The following EIF4G1 variants were observed in gnomAD, a reference collection of about 807,000 sequenced individuals.
The protein encoded by EIF4G1 is EIF4-gamma.
Under a neutral mutation model 187.8 loss-of-function variants are expected in EIF4G1, and 4 were observed. That is an observed-to-expected ratio of 0.02 (90% CI 0.01 to 0.05). The LOEUF is 0.05. Ranked by LOEUF, EIF4G1 falls within the 10% of genes least tolerant of loss-of-function variation. EIF4G1 has a pLI of 1.00. For synonymous variants in EIF4G1, 844 were observed against 781.4 expected (o/e 1.08, Z -1.34); for missense variants, 1,647 against 2,081.1 (o/e 0.79, Z 4.06).
chr3:184,321,149 G>C, intron 9 of EIF4G1, 133 bp from the exon 10 acceptor site: 1 of 1,488,268 alleles, frequency 6.7e-7, no homozygotes, highest in Non-Finnish European at 9.3e-7. Flanking sequence ...GGATGAAAGT[G>C]GAAGTATAGC....
rs1723975885 is a variant in EIF4G1 at position 184,322,020 on chromosome 3, G to T, written c.1436G>T (p.Gly479Val). Residue 479 changes from glycine (G) to valine (V), a missense_variant, in exon 10 of 33, where the codon GGA (glycine) becomes GTA (valine). Transcript: ENST00000346169. ...GCAGGAGAAGCTGAGAGTGAGAAAGGAGGAGAGGAACTGCTCCCCCCAGAG... is the reference window on the plus strand; with the variant it reads ...GCAGGAGAAGCTGAGAGTGAGAAAGTAGGAGAGGAACTGCTCCCCCCAGAG... ...GEAGEAESEKGGEELLPPEST... is the reference protein window; with the variant it reads ...GEAGEAESEKVGEELLPPEST... The T allele has an allele frequency of 9.3e-6, 15 of 1,614,112 alleles. No homozygotes were observed. The highest frequency in any genetic ancestry group is 1.3e-5 in the Non-Finnish European group (15 of 1,180,034).
rs756845426 is a variant in EIF4G1, at chr3:184,323,077, T to C, written c.1930-6T>C. The C allele has an allele frequency of 6.2e-7, 1 of 1,614,166 alleles. No individual in the cohort carries two copies. The highest frequency in any genetic ancestry group is 8.5e-7 in the Non-Finnish European group (1 of 1,180,034). ...CTTCTGAGACCTTTTCCTGTCCTCTTTGCAGGCCAATAAAACACCACTGCG... is the reference window on the plus strand; with the variant it reads ...CTTCTGAGACCTTTTCCTGTCCTCTCTGCAGGCCAATAAAACACCACTGCG... On this transcript the variant is annotated splice_polypyrimidine_tract_variant and splice_region_variant and intron_variant, in intron 13 of 32. Coordinates refer to ENST00000346169, the MANE Select transcript of EIF4G1 (RefSeq NM_198241.3). This position sits in a 1 kb window ranked among gnomAD's most constrained non-coding sequence, Gnocchi z 6.9.
chr3:184,330,003 T>G (rs1283542422), intron 28 of EIF4G1, among the ~76,000 whole-genome samples: 1 of 152,236 alleles, frequency 6.6e-6, no homozygotes, highest in Non-Finnish European at 1.5e-5. Flanking sequence ...ACAAGTTGTT[T>G]TTTAACAACA....
chr3:184,328,078 C>G, intron 26 of EIF4G1, 76 bp downstream of exon 26: 2 of 1,548,398 alleles, frequency 1.3e-6, no homozygotes, highest in African/African-American at 2.7e-5. Context: ...CCCTTGGAAC[C>G]TTGCATAAGA....
chr3:184,328,519 C>G (rs947736089), intron 26 of EIF4G1, 112 bp from the exon 27 acceptor site: 30 of 1,468,464 alleles, frequency 2.0e-5, no homozygotes, highest in Non-Finnish European at 2.8e-5. Context: ...GTCCCCATGT[C>G]TAGAAAATGT....
In EIF4G1 at chr3:184,321,889, C is replaced by T. The variant is rs1477453698; in HGVS notation, c.1305C>T (p.Pro435=). 1.2e-6 allele frequency: 2 copies of T among 1,614,192 alleles called. No homozygotes were observed. The highest frequency in any genetic ancestry group is 1.1e-5 in the South Asian group (1 of 91,086). The change falls in exon 10 of 33, where the codon CCC becomes CCT. Residue 435 remains proline (P), a synonymous_variant. Transcript: ENST00000346169. ...AGGTGACAGCATCAATGGCGCCCCC[C>T]ACCATCCCCTCTGCTACTCCAGCTA... is the stretch of plus-strand genomic sequence containing the variant. ...AKEVTASMAP[P]TIPSATPATA... is the part of the protein sequence containing the mutation.
rs557581633 is a variant in EIF4G1 at position 184,334,859 on chromosome 3, C to T, written c.4751C>T (p.Ala1584Val). Residue 1584 changes from alanine to valine, a missense_variant, in exon 33 of 33, where the codon GCC becomes GTC. Transcript: ENST00000346169. The surrounding 1 kb of genome is among the most constrained non-coding windows in gnomAD (Gnocchi z 5.8). Reference protein sequence around the residue: ...GKGVALKSVTAFFKWLREAEE... With the variant: ...GKGVALKSVTVFFKWLREAEE... ...GGTGTGGCCCTTAAATCTGTCACAG[C>T]CTTCTTCAAGTGGCTCCGTGAAGCA... 109 of 1,614,082 alleles carry T rather than the reference C, an allele frequency of 6.8e-5. No individual in the cohort carries two copies. Among genetic ancestry groups the T allele is most frequent in the Non-Finnish European group, 8.6e-5 (101 of 1,180,034 alleles).
In EIF4G1 at chr3:184,335,054, C is replaced by T; in HGVS notation, c.*146C>T. On this transcript the variant is annotated 3_prime_UTR_variant, in exon 33 of 33. Transcript: ENST00000346169. Reference sequence around the variant, plus strand: ...TGAACTAATAAAGTGGCTGAAGAGGCAGGATGGCTTGGGGCTGCCTGGGCC... The same window carrying T: ...TGAACTAATAAAGTGGCTGAAGAGGTAGGATGGCTTGGGGCTGCCTGGGCC... 8.3e-7 allele frequency: 1 copy of T among 1,198,968 alleles called. No individual in the cohort carries two copies. Among genetic ancestry groups the T allele is most frequent in the Non-Finnish European group, 1.2e-6 (1 of 851,650 alleles). 74.3% of individuals were successfully genotyped at this position (1,198,968 alleles called of 1,614,324 possible).
chr3:184,332,057 C>T lies in EIF4G1; in HGVS notation c.4589C>T (p.Ala1530Val), dbSNP rs958736570. The change falls in exon 32 of 33, where the codon GCC becomes GTC. Residue 1530 changes from alanine (A) to valine (V), a missense_variant. Transcript: ENST00000346169. ...KELQALYALQ[A>V]LVVTLEQPPN... ...CTACAGGCGCTCTACGCCCTCCAGGCCCTTGTAGTGACCTTAGAACAGCCT... is the reference window on the plus strand; with the variant it reads ...CTACAGGCGCTCTACGCCCTCCAGGTCCTTGTAGTGACCTTAGAACAGCCT... 1.2e-6 allele frequency: 2 copies of T among 1,614,074 alleles called. No individual in the cohort carries two copies. Among genetic ancestry groups the T allele is most frequent in the Non-Finnish European group, 1.7e-6 (2 of 1,180,052 alleles).
chr3:184,331,656 G>C (rs1577258423), intron 30 of EIF4G1, 50 bp downstream of exon 30: 1 of 1,612,342 alleles, frequency 6.2e-7, no homozygotes, highest in Non-Finnish European at 8.5e-7. Context: ...TTAGGGTGGG[G>C]GTGGGGGCAG....
chr3:184,330,857 A>G (rs535625406), intron 28 of EIF4G1, among the ~76,000 whole-genome samples: 3 of 152,168 alleles, frequency 2.0e-5, no homozygotes, highest in African/African-American at 7.2e-5. Flanking sequence ...CTCCTGCCTC[A>G]GCCTCCCGAG....
At chr3:184,317,581 T>G (rs1340325407) in intron 5 of EIF4G1, 84 bp downstream of exon 5, 2 of 1,577,502 alleles carry the variant, frequency 1.3e-6, no homozygotes, top group Non-Finnish European at 1.7e-6. Context: ...TTCCATTGCT[T>G]TTCCAGAGGT....
At position 184,331,611 on chromosome 3, in the gene EIF4G1, G is replaced by A. The variant is rs16858676; in HGVS notation, c.4395+5G>A. On this transcript the variant is annotated splice_donor_5th_base_variant and intron_variant, in intron 30 of 32. Transcript: ENST00000346169. Reference sequence around the variant, plus strand: ...CGGGTGTTCGACTGGATAGAGGTAGGTTTCTCCTGGATATCGATAAAGGAA... The same window carrying A: ...CGGGTGTTCGACTGGATAGAGGTAGATTTCTCCTGGATATCGATAAAGGAA... The A allele has an allele frequency of 3.2e-3, 3,868 of 1,212,174 alleles. 76 individuals carry two copies. The African/African-American group carries it at 0.058, about 18-fold the overall frequency. The allele number at this position is 1,212,174 out of a possible 1,614,324, so 75.1% of individuals were successfully genotyped here.
At position 184,323,329 on chromosome 3, in the gene EIF4G1, T is replaced by C; in HGVS notation, c.2089-79T>C. On this transcript the variant is annotated intron_variant, in intron 14 of 32. Transcript: ENST00000346169. The surrounding 1 kb of genome is among the most constrained non-coding windows in gnomAD (Gnocchi z 6.9). ...AGTGCCCGCGGGGAGGGGTTTGCCC[T>C]GGAGGCGTGTAGTAGTGGTGTCACA... is the stretch of plus-strand genomic sequence containing the variant. 1.9e-6 allele frequency: 3 copies of C among 1,611,512 alleles called. No homozygotes were observed. The highest frequency in any genetic ancestry group is 2.5e-6 in the Non-Finnish European group (3 of 1,178,220).
rs144947145 is a variant in EIF4G1, at chr3:184,321,454, G to A, written c.870G>A (p.Met290Ile). ...TCCTCTCTATTCCTGGGGACACTAT[G>A]ACAACTATACAAATGTCTGTAGAAG... is the stretch of plus-strand genomic sequence containing the variant. ...LAVLSIPGDT[M>I]TTIQMSVEES... is the part of the protein sequence containing the mutation. The change falls in exon 10 of 33, where the codon ATG becomes ATA. Residue 290 changes from methionine (M) to isoleucine (I), a missense_variant. Around this residue, in one of 11 missense-constraint regions of EIF4G1, gnomAD observed 522 missense variants for 485.2 expected, o/e 1.08. Transcript: ENST00000346169. 7.2e-5 allele frequency: 117 copies of A among 1,614,114 alleles called. 1 individual carries two copies. In the African/African-American group the frequency reaches 1.3e-3, roughly 18 times the overall value.
intron 32 of EIF4G1, 105 bp downstream of exon 32, chr3:184,332,191 A>C: frequency 6.7e-7 from 1 of 1,492,738 alleles, no homozygotes; most frequent in Non-Finnish European, 9.2e-7. Flanking sequence ...GTAGGTAGTC[A>C]TTAGAGAGCA....
In EIF4G1 at chr3:184,322,393, A is replaced by G; in HGVS notation, c.1551A>G (p.Lys517=). 6.2e-7 allele frequency: 1 copy of G among 1,614,178 alleles called. No homozygotes were observed. Among genetic ancestry groups the G allele is most frequent in the Non-Finnish European group, 8.5e-7 (1 of 1,180,038 alleles). Reference sequence around the variant, plus strand: ...TATCTGTGCCAAAGAGGAGACGGAAAATTAAGGAGCTAAATAAGAAGGAGG... The same window carrying G: ...TATCTGTGCCAAAGAGGAGACGGAAGATTAAGGAGCTAAATAAGAAGGAGG... ...VAVSVPKRRR[K]IKELNKKEAV... The change falls in exon 11 of 33, where the codon AAA becomes AAG. Residue 517 remains lysine, a synonymous_variant. Transcript: ENST00000346169.
chr3:184,321,560 G>C lies in EIF4G1; in HGVS notation c.976G>C (p.Glu326Gln). The C allele has an allele frequency of 6.2e-7, 1 of 1,614,202 alleles. No individual in the cohort carries two copies. The highest frequency in any genetic ancestry group is 1.6e-4 in the Middle Eastern group (1 of 6,062). Residue 326 changes from glutamate to glutamine, a missense_variant, in exon 10 of 33, where the codon GAA becomes CAA. Physicochemically the swap from Glu to Gln is conservative, Grantham distance 29. Around this residue, in one of 11 missense-constraint regions of EIF4G1, gnomAD observed 522 missense variants for 485.2 expected, o/e 1.08. Coordinates refer to ENST00000346169, the MANE Select transcript of EIF4G1 (RefSeq NM_198241.3). The part of the protein sequence containing the change: ...EPTPLAEPIL[E>Q]VEVTLSKPVP... The stretch of plus-strand genomic sequence containing the variant: ...CACTCCTCTCGCCGAACCCATACTG[G>C]AAGTAGAAGTGACACTTAGCAAACC...
rs551847803 is a variant in EIF4G1, at chr3:184,331,273, A to T, written c.4169A>T (p.Lys1390Ile). The change falls in exon 29 of 33, where the codon AAA (lysine) becomes ATA (isoleucine). Residue 1390 changes from lysine to isoleucine, a missense_variant. Lys to Ile is a moderately radical substitution (Grantham distance 102). Around this residue, in one of 11 missense-constraint regions of EIF4G1, gnomAD observed 543 missense variants for 638.0 expected, o/e 0.85. Coordinates refer to ENST00000346169, the MANE Select transcript of EIF4G1 (RefSeq NM_198241.3). ...TGGTCTTGTGTTTTCCAGGGTCCTAAAAAGGTGGGGACGCTGTGGCGAGAA... is the reference window on the plus strand; with the variant it reads ...TGGTCTTGTGTTTTCCAGGGTCCTATAAAGGTGGGGACGCTGTGGCGAGAA... ...LGLLCKSMGP[K>I]KVGTLWREAG... 3 of 1,614,148 alleles carry T rather than the reference A, an allele frequency of 1.9e-6. 1 individual carries two copies. The Admixed American group carries it at 5.0e-5, about 27-fold the overall frequency.
Sources: allele counts gnomAD v4.1 joint callset (sites outside exome capture counted in the v4.1 genomes callset), GRCh38; gene constraint gnomAD v4.1.1; regional missense constraint gnomAD v4.1.1; non-coding constraint Gnocchi (gnomAD v3.1); transcripts MANE v1.5; gene names NCBI Gene and HGNC (gene_info 2026-07-23, HGNC 2026-07-21).